The following AMPH variants were observed in gnomAD, a reference collection of about 807,000 sequenced individuals.
The protein encoded by AMPH is amphiphysin (Stiff-Mann syndrome with breast cancer 128kD autoantigen).
A neutral mutation model predicts 99.1 loss-of-function variants in AMPH; 49 were observed. The ratio of observed to expected loss-of-function variants is 0.49; its 90% CI spans 0.39 to 0.63. AMPH has a LOEUF of 0.63. Ranked by LOEUF, AMPH falls within the 20% of genes least tolerant of loss-of-function variation. AMPH has a pLI of 0.00. For missense variants in AMPH, 759 were observed against 863.4 expected (o/e 0.88, Z 1.52); for synonymous variants, 314 against 317.3 (o/e 0.99, Z 0.11).
At chr7:38,619,588 C>A (rs942914648) in intron 1 of AMPH, among the ~76,000 whole-genome samples, 9 of 152,142 alleles carry the variant, frequency 5.9e-5, no homozygotes, top group African/African-American at 2.2e-4. Context: ...TATTCTCAAG[C>A]GTACATGGAA....
intron 1 of AMPH, among the ~76,000 whole-genome samples, chr7:38,549,104 T>C (rs1791093566): frequency 6.6e-6 from 1 of 152,244 alleles, no homozygotes; most frequent in South Asian, 2.1e-4. Context: ...GGGCTTTGTT[T>C]TTTGTTAAAA....
At chr7:38,504,839 A>G (rs776546080) in intron 2 of AMPH, among the ~76,000 whole-genome samples, 17 of 152,216 alleles carry the variant, frequency 1.1e-4, no homozygotes, top group Non-Finnish European at 2.2e-4. Context: ...AGTAGCTGCT[A>G]TGACTCTACA....
rs534158962 is a variant in AMPH, at chr7:38,624,020, G to A, written c.69+7263C>T. ...ATCCATAAGGGTAATTACATTTGCT[G>A]TACTATTTTCACAAAATGACAAAGC... On this transcript the variant is annotated intron_variant, in intron 1 of 20. Coordinates refer to ENST00000356264, the MANE Select transcript of AMPH (RefSeq NM_001635.4). 5.3e-5 allele frequency among the ~76,000 whole-genome samples: 8 copies of A among 152,230 alleles called. No homozygotes were observed. In the South Asian group the frequency reaches 1.7e-3, roughly 32 times the overall value.
At chr7:38,431,355 G>T (rs1786013701) in intron 13 of AMPH, among the ~76,000 whole-genome samples, 1 of 152,154 alleles carries the variant, frequency 6.6e-6, no homozygotes, top group African/African-American at 2.4e-5. Flanking sequence ...ATGATGCTTA[G>T]AGAGTTTTAG....
chr7:38,553,734 A>G (rs1230630710), intron 1 of AMPH, among the ~76,000 whole-genome samples: 1 of 152,226 alleles, frequency 6.6e-6, no homozygotes, highest in Non-Finnish European at 1.5e-5. Flanking sequence ...TAAAACTCCA[A>G]AACTCAAATT....
intron 7 of AMPH, among the ~76,000 whole-genome samples, chr7:38,471,433 T>G (rs1562776920): frequency 6.6e-6 from 1 of 152,210 alleles, no homozygotes; most frequent in Non-Finnish European, 1.5e-5. Flanking sequence ...TTTCCTTTTT[T>G]AAAATTGAAC....
At chr7:38,526,217 C>A (rs1037418468) in intron 2 of AMPH, among the ~76,000 whole-genome samples, 2 of 151,112 alleles carry the variant, frequency 1.3e-5, no homozygotes, top group African/African-American at 4.9e-5. Flanking sequence ...TTTTCATATT[C>A]TTCTTTGCCA....
intron 1 of AMPH, among the ~76,000 whole-genome samples, chr7:38,561,205 T>C (rs982423278): frequency 6.6e-6 from 1 of 152,212 alleles, no homozygotes; most frequent in Non-Finnish European, 1.5e-5. Context: ...TATTCATCTT[T>C]CCTATTTGGA....
intron 1 of AMPH, among the ~76,000 whole-genome samples, chr7:38,539,367 G>T (rs1465987765): frequency 6.6e-6 from 1 of 152,094 alleles, no homozygotes; most frequent in Non-Finnish European, 1.5e-5. Flanking sequence ...CAGAACTTGG[G>T]GGCATGAAGA....
At chr7:38,449,034 A>G (rs1294909538) in intron 11 of AMPH, among the ~76,000 whole-genome samples, 2 of 152,200 alleles carry the variant, frequency 1.3e-5, no homozygotes, top group African/African-American at 4.8e-5. Context: ...GAAGAGGGAT[A>G]GGGCCTATGC....
intron 4 of AMPH, among the ~76,000 whole-genome samples, chr7:38,493,737 C>T (rs1788815395): frequency 6.6e-6 from 1 of 152,116 alleles, no homozygotes; most frequent in African/African-American, 2.4e-5. Context: ...GGAATGGATG[C>T]TCTTCTGAAC....
At chr7:38,543,933 G>A (rs1790904092) in intron 1 of AMPH, among the ~76,000 whole-genome samples, 1 of 152,242 alleles carries the variant, frequency 6.6e-6, no homozygotes, top group African/African-American at 2.4e-5. Flanking sequence ...AAAGTACAAT[G>A]TGAACATGAT....
chr7:38,431,842 A>T (rs544528780), intron 13 of AMPH, among the ~76,000 whole-genome samples: 1 of 152,216 alleles, frequency 6.6e-6, no homozygotes, highest in South Asian at 2.1e-4. Context: ...CCATTTTCTC[A>T]TTCACACTTT....
At chr7:38,402,684 TC>T (rs763812374) in intron 17 of AMPH, among the ~76,000 whole-genome samples, 2 of 152,196 alleles carry the variant, frequency 1.3e-5, no homozygotes, top group African/African-American at 2.4e-5. Flanking sequence ...AATCCCATAC[TC>T]ATGGCGGGGT....
chr7:38,619,054 T>C (rs1029846969), intron 1 of AMPH, among the ~76,000 whole-genome samples: 4 of 152,168 alleles, frequency 2.6e-5, no homozygotes, highest in African/African-American at 9.7e-5. Context: ...CTGCCAGGCA[T>C]GATGGCAAGT....
At chr7:38,570,076 G>A (rs567238095) in intron 1 of AMPH, among the ~76,000 whole-genome samples, 1 of 152,268 alleles carries the variant, frequency 6.6e-6, no homozygotes, top group East Asian at 1.9e-4. Flanking sequence ...CTGCCCGGAA[G>A]TTGCCTTAAC....
At chr7:38,458,503 T>A (rs1048045699) in intron 11 of AMPH, among the ~76,000 whole-genome samples, 2 of 152,162 alleles carry the variant, frequency 1.3e-5, no homozygotes, top group African/African-American at 2.4e-5. Context: ...ATCAAACAGA[T>A]GACACACCAC....
intron 5 of AMPH, among the ~76,000 whole-genome samples, chr7:38,489,429 T>C (rs1428337414): frequency 6.6e-6 from 1 of 152,044 alleles, no homozygotes; most frequent in African/African-American, 2.4e-5. Context: ...CTTCATTTTC[T>C]AAATGAAGAT....
chr7:38,511,052 C>T (rs544942461), intron 2 of AMPH, among the ~76,000 whole-genome samples: 4 of 152,178 alleles, frequency 2.6e-5, no homozygotes, highest in South Asian at 4.2e-4. Context: ...TCTAGGCCTC[C>T]GATTCCTCAT....
Sources: allele counts gnomAD v4.1 joint callset (sites outside exome capture counted in the v4.1 genomes callset), GRCh38; gene constraint gnomAD v4.1.1; transcripts MANE v1.5; gene names NCBI Gene and HGNC (gene_info 2026-07-23, HGNC 2026-07-21).